The following CCDC57 variants were observed in gnomAD, a reference collection of about 807,000 sequenced individuals.
The protein encoded by CCDC57 is coiled-coil domain-containing protein 57.
In CCDC57, 118 loss-of-function variants were observed where a neutral mutation model predicts 118.9. That is an observed-to-expected ratio of 0.99 (90% CI 0.86 to 1.16). The LOEUF (loss-of-function observed/expected upper bound fraction) is 1.16, where lower values mean the gene tolerates loss of function less well. Among genes scored for constraint, CCDC57 ranks in the 50% most tolerant of loss-of-function variants. The pLI is 0.00. For synonymous variants in CCDC57, 527 were observed against 532.9 expected (o/e 0.99, Z 0.15); for missense variants, 1,300 against 1,320.7 (o/e 0.98, Z 0.24).
chr17:82,173,265 CA>C (rs2045013118), intron 11 of CCDC57, among the ~76,000 whole-genome samples: 1 of 151,884 alleles, frequency 6.6e-6, no homozygotes, highest in Non-Finnish European at 1.5e-5. Context: ...CTGTGTGCAC[CA>C]AAAAATAGTT....
At position 82,161,912 on chromosome 17, in the gene CCDC57, G is replaced by A. The variant is rs142495903; in HGVS notation, c.2040+1288C>T. ...ATAGTGAGAATGTTTATACGACATT[G>A]TGAATGTGCTTAATGCCACTGAAAG... On this transcript the variant is annotated intron_variant, in intron 14 of 19. Coordinates refer to ENST00000665763, the Ensembl canonical transcript of CCDC57. 6.6e-5 allele frequency among the ~76,000 whole-genome samples: 10 copies of A among 152,270 alleles called. No individual in the cohort carries two copies. The East Asian group carries it at 1.7e-3, about 26-fold the overall frequency.
intron 14 of CCDC57, among the ~76,000 whole-genome samples, chr17:82,159,341 G>C (rs1373676323): frequency 6.6e-6 from 1 of 152,192 alleles, no homozygotes; most frequent in African/African-American, 2.4e-5. Flanking sequence ...TGTAGCATTT[G>C]TGCGGGAAAT....
chr17:82,134,760 C>T (rs975441123), intron 16 of CCDC57, among the ~76,000 whole-genome samples: 1 of 151,592 alleles, frequency 6.6e-6, no homozygotes, highest in African/African-American at 2.4e-5. Context: ...TGCCACTGCA[C>T]TCCATCCTGG....
intron 19 of CCDC57, among the ~76,000 whole-genome samples, chr17:82,123,982 C>CAAAAAAAAAAAAAAAAAAAAAAAAA (rs200031813): frequency 1.6e-5 from 1 of 64,306 alleles, no homozygotes; most frequent in African/African-American, 6.1e-5. Flanking sequence ...CATCCAAAAG[C>CAAAAAAAAAAAAAAAAAAAAAAAAA]AAAAAAAAAA....
intron 2 of CCDC57, among the ~76,000 whole-genome samples, chr17:82,203,827 G>A (rs895744744): frequency 2.0e-5 from 3 of 152,232 alleles, no homozygotes; most frequent in Non-Finnish European, 2.9e-5. Flanking sequence ...CATGGCCGGG[G>A]TGCTGCTGCC....
intron 16 of CCDC57, among the ~76,000 whole-genome samples, chr17:82,145,654 G>A (rs375635729): frequency 2.7e-4 from 41 of 152,308 alleles, no homozygotes; most frequent in African/African-American, 7.0e-4. Flanking sequence ...TCTGGAAGGC[G>A]CAGAGGGAGG....
In CCDC57 at chr17:82,163,145, T is replaced by C. The variant is rs2043556756; in HGVS notation, c.2040+55A>G. ...GGGCAGCCGCTCAGAGCCCACGCGCTCTCCCCCAGCAGCGGCTCTCTAGGA... is the reference window on the plus strand; with the variant it reads ...GGGCAGCCGCTCAGAGCCCACGCGCCCTCCCCCAGCAGCGGCTCTCTAGGA... On this transcript the variant is annotated intron_variant, in intron 14 of 19. Transcript: ENST00000665763. 8 of 1,589,950 alleles carry C rather than the reference T, an allele frequency of 5.0e-6. 1 individual carries two copies. In the South Asian group the frequency reaches 6.8e-5, roughly 13 times the overall value.
At chr17:82,132,133 A>G (rs1281277018) in intron 17 of CCDC57, among the ~76,000 whole-genome samples, 3 of 151,732 alleles carry the variant, frequency 2.0e-5, no homozygotes, top group Admixed American at 6.6e-5. Flanking sequence ...AAAAAAAAAA[A>G]AAAAAGAATA....
chr17:82,207,373 G>C (rs2049796256), intron 2 of CCDC57, among the ~76,000 whole-genome samples: 2 of 151,968 alleles, frequency 1.3e-5, no homozygotes, highest in African/African-American at 4.8e-5. Context: ...TTATGGTTTA[G>C]GAGTCATGCA....
rs370958182 is a variant in CCDC57, at chr17:82,204,617, A to G, written c.-8-2665T>C. ...GCTAACACGGTGAAACCCCGTCTCT[A>G]CTAAAAATACAAAAAATTAGCTGGG... On this transcript the variant is annotated intron_variant, in intron 2 of 19. Transcript: ENST00000665763. Among the ~76,000 whole-genome samples, 36 of 152,268 alleles carry G rather than the reference A, an allele frequency of 2.4e-4. No homozygotes were observed. In the South Asian group the frequency reaches 6.4e-3, roughly 27 times the overall value.
intron 3 of CCDC57, 97 bp from the exon 3 acceptor site, chr17:82,198,519 T>C (rs2048569646): frequency 2.4e-6 from 2 of 844,692 alleles, no homozygotes; most frequent in Non-Finnish European, 3.7e-6. Context: ...GTTGGTGCTT[T>C]GCTTTTATGA....
At chr17:82,134,187 C>T (rs755738679) in exon 17 of CCDC57, 79 of 1,322,008 alleles carry the variant, frequency 6.0e-5, no homozygotes, top group Non-Finnish European at 6.8e-5. Context: ...CGTGGTGCAA[C>T]AGCCACCCTG....
At chr17:82,148,683 G>A (rs1249419062) in intron 16 of CCDC57, among the ~76,000 whole-genome samples, 1 of 104,470 alleles carries the variant, frequency 9.6e-6, no homozygotes, top group Non-Finnish European at 1.9e-5. Flanking sequence ...TGGGTAGATG[G>A]ATGGATGGTT....
At chr17:82,150,064 C>A (rs1232429895) in intron 16 of CCDC57, among the ~76,000 whole-genome samples, 1 of 129,218 alleles carries the variant, frequency 7.7e-6, no homozygotes, top group Non-Finnish European at 1.6e-5. Flanking sequence ...CAGAACCAGG[C>A]ACACACTCAG....
chr17:82,144,885 T>C (rs557279914), intron 16 of CCDC57, among the ~76,000 whole-genome samples: 83 of 152,178 alleles, frequency 5.5e-4, no homozygotes, highest in Non-Finnish European at 9.3e-4. Flanking sequence ...GAAAATGACA[T>C]GACGATAAAA....
At chr17:82,150,997 A>T (rs1172812681) in intron 16 of CCDC57, among the ~76,000 whole-genome samples, 57 of 62,640 alleles carry the variant, frequency 9.1e-4, no homozygotes, top group Admixed American at 1.1e-3. Flanking sequence ...ACCCAGAACC[A>T]GGCACACACC....
chr17:82,181,589 C>T (rs572122967), intron 9 of CCDC57, among the ~76,000 whole-genome samples: 34 of 152,282 alleles, frequency 2.2e-4, no homozygotes, highest in Admixed American at 6.5e-4. Context: ...AAAAATGTAG[C>T]TCTCTCCAGT....
chr17:82,197,372 G>C (rs775809783), intron 4 of CCDC57, among the ~76,000 whole-genome samples: 1 of 152,370 alleles, frequency 6.6e-6, no homozygotes, highest in African/African-American at 2.4e-5. Flanking sequence ...GTGGTCTCTA[G>C]ATATAAATCT....
intron 15 of CCDC57, among the ~76,000 whole-genome samples, chr17:82,152,843 G>T (rs1255888347): frequency 3.9e-5 from 6 of 152,260 alleles, no homozygotes; most frequent in Admixed American, 3.3e-4. Context: ...CTGGGGTGCA[G>T]CCACTGTATG....
Sources: gnomAD v4.1 joint callset for allele counts (sites outside exome capture counted in the v4.1 genomes callset) on GRCh38, gnomAD v4.1.1 for gene constraint, MANE v1.5 for transcripts, NCBI Gene and HGNC (gene_info 2026-07-23, HGNC 2026-07-21) for gene names.